The following SNRNP35 variants were observed in gnomAD, a reference collection of about 807,000 sequenced individuals.
SNRNP35 encodes the protein U11/U12 small nuclear ribonucleoprotein 35 kDa protein.
A neutral mutation model predicts 24.3 loss-of-function variants in SNRNP35; 16 were observed. The ratio of observed to expected loss-of-function variants is 0.66; its 90% CI spans 0.45 to 1.00. SNRNP35 has a LOEUF of 1.00. SNRNP35 is among the 50% of genes least tolerant of loss of function. The probability of loss-of-function intolerance (pLI) is 0.00; values close to 1 mark genes in which losing one functional copy is unlikely to be tolerated. For missense variants in SNRNP35, 292 were observed against 327.2 expected, an observed-to-expected ratio of 0.89 and a Z score of 0.83; for synonymous variants, 106 against 124.8, an observed-to-expected ratio of 0.85 and a Z score of 1.00.
Position 123,466,664 on chromosome 12 carries a change from T to C in SNRNP35, c.*383T>C. On this transcript the variant is annotated 3_prime_UTR_variant, in exon 2 of 2. Coordinates refer to ENST00000526639, the MANE Select transcript of SNRNP35 (RefSeq NM_022717.4). ...CCTGGGTTCAAGTGATTCTCCTGCC[T>C]CAGCCTCCCCAGTAGTTGGGATTAC... 6.3e-6 allele frequency: 1 copy of C among 158,012 alleles called. No individual in the cohort carries two copies. Among genetic ancestry groups the C allele is most frequent in the Non-Finnish European group, 1.4e-5 (1 of 72,082 alleles). The allele number at this position is 158,012 out of a possible 1,614,324, so 9.8% of individuals were successfully genotyped here.
At position 123,465,455 on chromosome 12, in the gene SNRNP35, A is replaced by G. The variant is rs547742132; in HGVS notation, c.-3-83A>G. On this transcript the variant is annotated intron_variant, in intron 1 of 1. Coordinates refer to ENST00000526639, the MANE Select transcript of SNRNP35 (RefSeq NM_022717.4). The surrounding 1 kb of genome is among the most constrained non-coding windows in gnomAD (Gnocchi z 4.2). ...TTTTTAAGAAGAGGTGAATGATAGT[A>G]TCCTTTTCATGGCATTGTTGTAAGG... The G allele has an allele frequency of 1.4e-6, 2 of 1,443,738 alleles. No individual in the cohort carries two copies. The highest frequency in any genetic ancestry group is 9.3e-7 in the Non-Finnish European group (1 of 1,081,026). 89.4% of individuals were successfully genotyped at this position (1,443,738 alleles called of 1,614,324 possible). A position where few individuals can be genotyped will look rare whatever the true frequency, so the allele number is the denominator to read the frequency against.
chr12:123,461,882 C>T (rs1401913536), intron 1 of SNRNP35, among the ~76,000 whole-genome samples: 2 of 152,056 alleles, frequency 1.3e-5, no homozygotes, highest in Non-Finnish European at 2.9e-5. Flanking sequence ...CCACCACACC[C>T]AGCTAATTTT....
chr12:123,465,703 G>T lies in SNRNP35; in HGVS notation c.163G>T (p.Val55Leu). 1.9e-6 allele frequency: 3 copies of T among 1,613,910 alleles called. No individual in the cohort carries two copies. The part of the protein sequence containing the change: ...VIGDPLLTLF[V>L]ARLNLQTKED... ...AGGAGATCCCCTCCTCACCCTGTTT[G>T]TGGCCAGACTAAACTTGCAGACCAA... is the stretch of plus-strand genomic sequence containing the variant. Residue 55 changes from valine (V) to leucine (L), a missense_variant, in exon 2 of 2, where the codon GTG becomes TTG. Transcript: ENST00000526639. The surrounding 1 kb of genome is among the most constrained non-coding windows in gnomAD (Gnocchi z 4.2).
chr12:123,465,727 A>G lies in SNRNP35; in HGVS notation c.187A>G (p.Lys63Glu). The G allele has an allele frequency of 6.2e-7, 1 of 1,613,902 alleles. No homozygotes were observed. The highest frequency in any genetic ancestry group is 1.7e-5 in the Admixed American group (1 of 59,960). ...LFVARLNLQT[K>E]EDKLKEVFSR... is the part of the protein sequence containing the mutation. ...TGTGGCCAGACTAAACTTGCAGACC[A>G]AGGAGGACAAATTAAAGGAAGTCTT... Residue 63 changes from lysine to glutamate, a missense_variant, in exon 2 of 2, where the codon AAG (lysine) becomes GAG (glutamate). Physicochemically the swap from Lys to Glu is moderately conservative, Grantham distance 56 (BLOSUM62 1). Transcript: ENST00000526639. The surrounding 1 kb of genome is among the most constrained non-coding windows in gnomAD (Gnocchi z 4.2).
In SNRNP35 at chr12:123,465,712, C is replaced by A; in HGVS notation, c.172C>A (p.Leu58Ile). 1 of 1,613,748 alleles carries A rather than the reference C, an allele frequency of 6.2e-7. No homozygotes were observed. The highest frequency in any genetic ancestry group is 8.5e-7 in the Non-Finnish European group (1 of 1,179,842). ...DPLLTLFVARLNLQTKEDKLK... is the reference protein window; with the variant it reads ...DPLLTLFVARINLQTKEDKLK... The stretch of plus-strand genomic sequence containing the variant: ...CCTCCTCACCCTGTTTGTGGCCAGA[C>A]TAAACTTGCAGACCAAGGAGGACAA... Residue 58 changes from leucine (L) to isoleucine (I), a missense_variant, in exon 2 of 2, where the codon CTA becomes ATA. By Grantham distance (5) the Leu-to-Ile change is conservative. Coordinates refer to ENST00000526639, the MANE Select transcript of SNRNP35 (RefSeq NM_022717.4). This position sits in a 1 kb window ranked among gnomAD's most constrained non-coding sequence, Gnocchi z 4.2.
Position 123,465,481 on chromosome 12 carries a change from G to T in SNRNP35, c.-3-57G>T. On this transcript the variant is annotated intron_variant, in intron 1 of 1. Transcript: ENST00000526639. The surrounding 1 kb of genome is among the most constrained non-coding windows in gnomAD (Gnocchi z 4.2). ...TCCTTTTCATGGCATTGTTGTAAGG[G>T]TTGAATGAGTGGCTCAGAGTAGAGG... 4.0e-6 allele frequency: 6 copies of T among 1,505,322 alleles called. No individual in the cohort carries two copies. The highest frequency in any genetic ancestry group is 5.3e-6 in the Non-Finnish European group (6 of 1,126,066). The allele number at this position is 1,505,322 out of a possible 1,614,324, so 93.2% of individuals were successfully genotyped here.
chr12:123,465,789 C>T lies in SNRNP35; in HGVS notation c.249C>T (p.Val83=). ...RYGDIRRLRL[V]RDLVTGFSKG... ...GTGACATCCGGCGGCTTCGGCTGGTCAGGGACTTGGTCACAGGTTTTTCAA... is the reference window on the plus strand; with the variant it reads ...GTGACATCCGGCGGCTTCGGCTGGTTAGGGACTTGGTCACAGGTTTTTCAA... Residue 83 remains valine, a synonymous_variant, in exon 2 of 2, where the codon GTC becomes GTT. Transcript: ENST00000526639. The surrounding 1 kb of genome is among the most constrained non-coding windows in gnomAD (Gnocchi z 4.2). 1 of 1,614,086 alleles carries T rather than the reference C, an allele frequency of 6.2e-7. No homozygotes were observed. The highest frequency in any genetic ancestry group is 8.5e-7 in the Non-Finnish European group (1 of 1,180,022).
downstream of SNRNP35, chr12:123,471,734 TGC>T (rs1881200318): frequency 1.3e-5 from 2 of 152,474 alleles, no homozygotes; most frequent in Non-Finnish European, 2.9e-5. Context: ...TCTTCTTCTT[TGC>T]AGGGGACTAA....
chr12:123,468,746 A>G (rs2139294270), downstream of SNRNP35, among the ~76,000 whole-genome samples: 1 of 152,314 alleles, frequency 6.6e-6, no homozygotes, highest in Non-Finnish European at 1.5e-5. Flanking sequence ...ATTTGGGCTT[A>G]GTGTTCTATG....
downstream of SNRNP35, among the ~76,000 whole-genome samples, chr12:123,469,853 A>G (rs1881105301): frequency 6.9e-6 from 1 of 145,568 alleles, no homozygotes; most frequent in Non-Finnish European, 1.5e-5. Context: ...AACAGCATGA[A>G]TATATTATGC....
intron 1 of SNRNP35, chr12:123,459,899 C>T: frequency 6.4e-7 from 1 of 1,570,548 alleles, no homozygotes; most frequent in East Asian, 2.2e-5. Flanking sequence ...ATGAAACCAG[C>T]TGTTAGTATC....
chr12:123,465,722 A>C lies in SNRNP35; in HGVS notation c.182A>C (p.Gln61Pro). Residue 61 changes from glutamine (Q) to proline (P), a missense_variant, in exon 2 of 2, where the codon CAG (glutamine) becomes CCG (proline). Transcript: ENST00000526639. The surrounding 1 kb of genome is among the most constrained non-coding windows in gnomAD (Gnocchi z 4.2). Reference sequence around the variant, plus strand: ...CTGTTTGTGGCCAGACTAAACTTGCAGACCAAGGAGGACAAATTAAAGGAA... The same window carrying C: ...CTGTTTGTGGCCAGACTAAACTTGCCGACCAAGGAGGACAAATTAAAGGAA... Reference protein sequence around the residue: ...LTLFVARLNLQTKEDKLKEVF... With the variant: ...LTLFVARLNLPTKEDKLKEVF... The C allele has an allele frequency of 6.2e-7, 1 of 1,613,790 alleles. No homozygotes were observed. The highest frequency in any genetic ancestry group is 1.3e-5 in the African/African-American group (1 of 75,036).
chr12:123,472,820 G>T, exon 2 of SNRNP35: 1 of 877,134 alleles, frequency 1.1e-6, no homozygotes. Context: ...CAAAGTTGGG[G>T]GTGCAGGTCA....
At chr12:123,462,500 CTTTT>C (rs144727236) in intron 1 of SNRNP35, among the ~76,000 whole-genome samples, 3 of 128,642 alleles carry the variant, frequency 2.3e-5, no homozygotes, top group Non-Finnish European at 1.7e-5. Context: ...GGTCAGAGGT[CTTTT>C]TTTTTTTTTT....
chr12:123,458,599 T>G lies in SNRNP35; in HGVS notation c.-4+383T>G, dbSNP rs146671492. ...TCACAGGAGGGGCAAAGTCTTTTTTTTTTTTTTTTCCTTTTTGAGACAGTC... is the reference window on the plus strand; with the variant it reads ...TCACAGGAGGGGCAAAGTCTTTTTTGTTTTTTTTTCCTTTTTGAGACAGTC... On this transcript the variant is annotated intron_variant, in intron 1 of 1. Transcript: ENST00000526639. 3.8e-4 allele frequency among the ~76,000 whole-genome samples: 57 copies of G among 150,796 alleles called. No homozygotes were observed. In the East Asian group the frequency reaches 9.9e-3, roughly 26 times the overall value.
chr12:123,471,143 T>C (rs1397876200), downstream of SNRNP35: 2 of 151,360 alleles, frequency 1.3e-5, no homozygotes, highest in African/African-American at 4.9e-5. Context: ...CGATCTAGGC[T>C]CACTGCAACC....
intron 1 of SNRNP35, among the ~76,000 whole-genome samples, chr12:123,458,700 A>C (rs1429990103): frequency 6.9e-6 from 1 of 144,090 alleles, no homozygotes; most frequent in Non-Finnish European, 1.5e-5. Flanking sequence ...GGTTCAAGCG[A>C]TTCCACTGCC....
intron 1 of SNRNP35, among the ~76,000 whole-genome samples, chr12:123,462,208 C>T (rs981758635): frequency 5.3e-5 from 8 of 152,094 alleles, no homozygotes; most frequent in African/African-American, 1.7e-4. Flanking sequence ...TAAATCTGGA[C>T]TTGACAGGCC....
At chr12:123,458,306 G>A (rs1008706504) in intron 1 of SNRNP35, 90 bp downstream of exon 1, 31 of 887,446 alleles carry the variant, frequency 3.5e-5, no homozygotes, top group Middle Eastern at 5.8e-4. Context: ...CGCTTGTGTG[G>A]GGCGCCATGT....
Sources: gnomAD v4.1 joint callset for allele counts (sites outside exome capture counted in the v4.1 genomes callset) on GRCh38, gnomAD v4.1.1 for gene constraint, Gnocchi (gnomAD v3.1) non-coding constraint, MANE v1.5 for transcripts, NCBI Gene and HGNC (gene_info 2026-07-23, HGNC 2026-07-21) for gene names.